OTOG: variants seen among roughly 807,000 people sequenced by gnomAD.
The protein encoded by OTOG is otogelin.
In OTOG, 296 loss-of-function variants were observed where a neutral mutation model predicts 313.8. The ratio of observed to expected loss-of-function variants is 0.94; its 90% confidence interval spans 0.86 to 1.04. The LOEUF (loss-of-function observed/expected upper bound fraction) is 1.04. Ranked by LOEUF, OTOG falls within the 50% of genes least tolerant of loss-of-function variation. The pLI, the probability that OTOG is intolerant of heterozygous loss-of-function variation, is 0.00. For synonymous variants in OTOG, 1,533 were observed against 1,554.9 expected (o/e 0.99, Z 0.33); for missense variants, 3,948 against 3,840.1 (o/e 1.03, Z -0.74).
At chr11:17,553,545 C>T (rs1459471817) in intron 6 of OTOG, 26 bp downstream of exon 6, 2 of 1,414,564 alleles carry the variant, frequency 1.4e-6, no homozygotes, top group Non-Finnish European at 1.8e-6. Flanking sequence ...CCTTGCCTGT[C>T]CAGGAATGCT....
At chr11:17,577,045 C>G in intron 22 of OTOG, 134 bp downstream of exon 22, 1 of 911,642 alleles carries the variant, frequency 1.1e-6, no homozygotes, top group East Asian at 2.7e-5. Context: ...GTATTCCTTG[C>G]CCTCTTGGCA....
Position 17,642,134 on chromosome 11 carries a change from C to A in OTOG, c.8303C>A (p.Ala2768Glu). The part of the protein sequence containing the change: ...NGTTSLFLPG[A>E]SWIADCARHH... ...TACTTCTGTGCCCTCCAGCCCGGGG[C>A]ATCCTGGATCGCAGACTGCGCCCGC... is the stretch of plus-strand genomic sequence containing the variant. The change falls in exon 53 of 56, where the codon GCA becomes GAA. Residue 2768 changes from alanine (A) to glutamate (E), a missense_variant. By Grantham distance (107) the Ala-to-Glu change is moderately radical. Transcript: ENST00000399397. 1 of 1,543,020 alleles carries A rather than the reference C, an allele frequency of 6.5e-7. No homozygotes were observed. The highest frequency in any genetic ancestry group is 1.2e-5 in the South Asian group (1 of 82,784).
rs1277672296 is a variant in OTOG at position 17,629,203 on chromosome 11, A to G, written c.6599A>G (p.His2200Arg). 3 of 1,550,628 alleles carry G rather than the reference A, an allele frequency of 1.9e-6. 1 individual carries two copies. In the South Asian group the frequency reaches 3.6e-5, roughly 18 times the overall value. Residue 2200 changes from histidine (H) to arginine (R), a missense_variant, in exon 40 of 56, where the codon CAC (histidine) becomes CGC (arginine). Coordinates refer to ENST00000399397, the MANE Select transcript of OTOG (RefSeq NM_001292063.2). ...GGATTCAGAATTGAGGACACAGGCC[A>G]CATGTACATGATCCTGACTCCCTCA... ...RYGFRIEDTG[H>R]MYMILTPSDI...
intron 39 of OTOG, among the ~76,000 whole-genome samples, chr11:17,621,945 C>T (rs1590048882): frequency 6.6e-6 from 1 of 152,184 alleles, no homozygotes; most frequent in Admixed American, 6.5e-5. Flanking sequence ...CTAAGTCCTT[C>T]GTTTTTAACC....
chr11:17,631,356 TTCTC>T (rs143019994), intron 40 of OTOG, among the ~76,000 whole-genome samples: 107 of 141,536 alleles, frequency 7.6e-4, no homozygotes, highest in Non-Finnish European at 8.7e-4. Flanking sequence ...GCTTCTCTCC[TTCTC>T]TCTCTCTCTC....
intron 55 of OTOG, 49 bp downstream of exon 55, chr11:17,645,692 G>A: frequency 6.4e-7 from 1 of 1,550,706 alleles, no homozygotes; most frequent in East Asian, 2.4e-5. Context: ...GGGATGGAGG[G>A]GGTTTGGGGG....
At chr11:17,590,643 C>T (rs1852909181) in intron 24 of OTOG, among the ~76,000 whole-genome samples, 1 of 152,206 alleles carries the variant, frequency 6.6e-6, no homozygotes, top group South Asian at 2.1e-4. Flanking sequence ...CCCACCACCC[C>T]CCATTCCTAG....
intron 15 of OTOG, 68 bp from the exon 16 acceptor site, chr11:17,569,088 G>A: frequency 6.5e-7 from 1 of 1,529,142 alleles, no homozygotes; most frequent in Non-Finnish European, 8.8e-7. Context: ...TCTGTCCCTA[G>A]AGGGCTCTGT....
chr11:17,618,742 A>G (rs1418248998), intron 39 of OTOG, among the ~76,000 whole-genome samples: 1 of 152,206 alleles, frequency 6.6e-6, no homozygotes, highest in Non-Finnish European at 1.5e-5. Flanking sequence ...ATTTAGGTGC[A>G]TAACATGCAG....
At chr11:17,596,628 G>A (rs1853115655) in intron 29 of OTOG, among the ~76,000 whole-genome samples, 1 of 152,198 alleles carries the variant, frequency 6.6e-6, no homozygotes, top group South Asian at 2.1e-4. Flanking sequence ...GGATCAAACA[G>A]CCCAGACTAA....
intron 40 of OTOG, among the ~76,000 whole-genome samples, chr11:17,630,679 C>A (rs914879582): frequency 7.2e-5 from 11 of 152,154 alleles, no homozygotes; most frequent in Non-Finnish European, 1.5e-4. Context: ...GGCTGACCTG[C>A]AAGCCAATGA....
intron 15 of OTOG, 146 bp downstream of exon 15, chr11:17,561,953 G>A: frequency 9.8e-7 from 1 of 1,019,800 alleles, no homozygotes; most frequent in Non-Finnish European, 1.4e-6. Context: ...CTGGACTCCA[G>A]CCCAAGCACC....
intron 22 of OTOG, 73 bp from the exon 23 acceptor site, chr11:17,578,300 A>T (rs1852584014): frequency 7.1e-7 from 1 of 1,409,300 alleles, no homozygotes; most frequent in African/African-American, 1.5e-5. Flanking sequence ...TCCATCCTCC[A>T]GCTGCTGCCC....
intron 31 of OTOG, among the ~76,000 whole-genome samples, chr11:17,601,089 C>T (rs1853238330): frequency 6.6e-6 from 1 of 152,192 alleles, no homozygotes; most frequent in Admixed American, 6.5e-5. Context: ...CCCTACAAAC[C>T]ACTTTTTTTT....
At chr11:17,596,270 T>A in intron 29 of OTOG, 116 bp downstream of exon 29, 2 of 758,094 alleles carry the variant, frequency 2.6e-6, no homozygotes, top group Admixed American at 2.2e-5. Flanking sequence ...CCAGGGAAGA[T>A]CTGCCTCTGC....
chr11:17,593,707 T>C lies in OTOG; in HGVS notation c.3239T>C (p.Leu1080Ser). Reference sequence around the variant, plus strand: ...TTCCCACAGGAGCACATCACCCTCTTGTGGGACCAGAGAACCACAGTGCAC... The same window carrying C: ...TTCCCACAGGAGCACATCACCCTCTCGTGGGACCAGAGAACCACAGTGCAC... ...VHFPQEHITL[L>S]WDQRTTVHVQ... The change falls in exon 27 of 56, where the codon TTG (leucine) becomes TCG (serine). Residue 1080 changes from leucine to serine, a missense_variant. Physicochemically the swap from Leu to Ser is moderately radical, Grantham distance 145 (BLOSUM62 -2). Coordinates refer to ENST00000399397, the MANE Select transcript of OTOG (RefSeq NM_001292063.2). 1.3e-6 allele frequency: 2 copies of C among 1,548,900 alleles called. No individual in the cohort carries two copies. Among genetic ancestry groups the C allele is most frequent in the Non-Finnish European group, 1.7e-6 (2 of 1,146,986 alleles).
chr11:17,617,311 C>T (rs912339865), intron 39 of OTOG, among the ~76,000 whole-genome samples: 1 of 152,090 alleles, frequency 6.6e-6, no homozygotes, highest in Non-Finnish European at 1.5e-5. Flanking sequence ...CAGAGTAATG[C>T]TGGCCTCACA....
Position 17,547,393 on chromosome 11 carries a change from G to A in OTOG, c.21G>A (p.Ala7=), listed in dbSNP as rs149500671. Residue 7 remains alanine (A), a synonymous_variant, in exon 1 of 56, where the codon GCG becomes GCA. Coordinates refer to ENST00000399397, the MANE Select transcript of OTOG (RefSeq NM_001292063.2). MGVLAS[A]LCWLLCVWLP... is the part of the protein sequence containing the mutation. ...TCCCTATGGGAGTCCTGGCGTCTGCGCTCTGCTGGCTGCTTTGTGTCTGGC... is the reference window on the plus strand; with the variant it reads ...TCCCTATGGGAGTCCTGGCGTCTGCACTCTGCTGGCTGCTTTGTGTCTGGC... 1.2e-3 allele frequency: 1,667 copies of A among 1,416,752 alleles called. 16 individuals carry two copies. The African/African-American group carries it at 0.021, about 18-fold the overall frequency. The allele number at this position is 1,416,752 out of a possible 1,614,324, so 87.8% of individuals were successfully genotyped here.
At chr11:17,615,555 CA>C (rs1007793129) in intron 39 of OTOG, among the ~76,000 whole-genome samples, 17 of 152,288 alleles carry the variant, frequency 1.1e-4, no homozygotes, top group African/African-American at 3.9e-4. Flanking sequence ...GTACATTTTT[CA>C]AATGTGAATA....
Sources: allele counts gnomAD v4.1 joint callset (sites outside exome capture counted in the v4.1 genomes callset), GRCh38; gene constraint gnomAD v4.1.1; transcripts MANE v1.5; gene names NCBI Gene and HGNC (gene_info 2026-07-23, HGNC 2026-07-21).